TENM3: variants seen among roughly 807,000 people sequenced by gnomAD.
TENM3 encodes teneurin-3.
In TENM3, 63 loss-of-function variants were observed where a neutral mutation model predicts 255.1. That is an observed-to-expected ratio of 0.25 (90% CI 0.20 to 0.30). The LOEUF (loss-of-function observed/expected upper bound fraction) is 0.30. Ranked by LOEUF, TENM3 falls within the 10% of genes least tolerant of loss-of-function variation. The pLI is 1.00. For synonymous variants in TENM3, 1,306 were observed against 1,322.3 expected, an observed-to-expected ratio of 0.99 and a Z score of 0.27; for missense variants, 2,929 against 3,461.1, an observed-to-expected ratio of 0.85 and a Z score of 3.86.
the TENM3 span, among the ~76,000 whole-genome samples, chr4:182,126,561 A>G: frequency 6.6e-6 from 1 of 152,212 alleles, no homozygotes; most frequent in African/African-American, 2.4e-5. Flanking sequence ...TCTTCAATCC[A>G]GAAGTATGTT....
chr4:182,615,444 C>T (rs1002363705), intron 4 of TENM3, among the ~76,000 whole-genome samples: 7 of 151,856 alleles, frequency 4.6e-5, no homozygotes, highest in Admixed American at 1.3e-4. Flanking sequence ...AGTATAGAGT[C>T]CCAAGAGAAA....
At chr4:181,452,017 G>A in the TENM3 span, among the ~76,000 whole-genome samples, 1 of 152,094 alleles carries the variant, frequency 6.6e-6, no homozygotes, top group African/African-American at 2.4e-5. Flanking sequence ...AAAACCTGGA[G>A]AGTCGGCAAC....
At chr4:181,787,340 C>CTTTT in the TENM3 span, among the ~76,000 whole-genome samples, 1 of 141,414 alleles carries the variant, frequency 7.1e-6, no homozygotes, top group Admixed American at 7.1e-5. Context: ...CTACATCCAT[C>CTTTT]TTTTTTTTTT....
chr4:182,048,649 T>C, the TENM3 span, among the ~76,000 whole-genome samples: 1 of 152,208 alleles, frequency 6.6e-6, no homozygotes, highest in Non-Finnish European at 1.5e-5. Context: ...GAAACTTTTT[T>C]CTTTTTACAT....
the TENM3 span, among the ~76,000 whole-genome samples, chr4:181,945,879 G>A: frequency 6.6e-6 from 1 of 151,804 alleles, no homozygotes; most frequent in Non-Finnish European, 1.5e-5. Context: ...ACAAGCACAC[G>A]TGCACATACA....
chr4:182,618,096 T>A (rs1375171621), intron 4 of TENM3, among the ~76,000 whole-genome samples: 1 of 152,218 alleles, frequency 6.6e-6, no homozygotes, highest in Non-Finnish European at 1.5e-5. Flanking sequence ...AACTATTTTC[T>A]ATGAAGATAA....
chr4:181,869,717 G>A, the TENM3 span, among the ~76,000 whole-genome samples: 1 of 152,074 alleles, frequency 6.6e-6, no homozygotes, highest in African/African-American at 2.4e-5. Context: ...AGTGCACTGA[G>A]AATTTGCTTG....
chr4:182,706,823 G>A (rs146809119), intron 12 of TENM3, among the ~76,000 whole-genome samples: 174 of 152,044 alleles, frequency 1.1e-3, no homozygotes, highest in African/African-American at 4.1e-3. Flanking sequence ...TATGGTTGGG[G>A]TGCGCCTGTA....
chr4:181,844,130 A>T, the TENM3 span, among the ~76,000 whole-genome samples: 1 of 152,088 alleles, frequency 6.6e-6, no homozygotes, highest in Non-Finnish European at 1.5e-5. Flanking sequence ...ATTGGAGCCC[A>T]CTGCCATGGT....
chr4:181,675,588 A>G, the TENM3 span, among the ~76,000 whole-genome samples: 1 of 152,142 alleles, frequency 6.6e-6, no homozygotes, highest in African/African-American at 2.4e-5. Context: ...GCCAGGTACT[A>G]TGATGGGCAC....
the TENM3 span, among the ~76,000 whole-genome samples, chr4:181,605,588 A>AGAAAGAGAGAGAAAGAAAG: frequency 3.2e-4 from 12 of 37,568 alleles, 1 homozygote; most frequent in East Asian, 7.4e-4. Context: ...AAGAAAGGAA[A>AGAAAGAGAGAGAAAGAAAG]GAAAGAAAGA....
At chr4:182,004,423 T>C in the TENM3 span, among the ~76,000 whole-genome samples, 1 of 152,208 alleles carries the variant, frequency 6.6e-6, no homozygotes, top group Non-Finnish European at 1.5e-5. Context: ...CTGCATAGTA[T>C]TACATGGTGT....
At chr4:181,909,931 G>T in the TENM3 span, among the ~76,000 whole-genome samples, 1 of 152,024 alleles carries the variant, frequency 6.6e-6, no homozygotes, top group African/African-American at 2.4e-5. Context: ...AAATTTTGTA[G>T]AATTTTTTAC....
At chr4:181,622,902 C>A in the TENM3 span, among the ~76,000 whole-genome samples, 1 of 152,176 alleles carries the variant, frequency 6.6e-6, no homozygotes, top group East Asian at 2.0e-4. Context: ...AGAATTAATT[C>A]TTAACTGAGG....
chr4:181,559,858 G>A, the TENM3 span, among the ~76,000 whole-genome samples: 10 of 152,166 alleles, frequency 6.6e-5, no homozygotes, highest in Non-Finnish European at 1.5e-4. Context: ...ACACGCAGGA[G>A]ACATTGAGAA....
chr4:182,497,347 G>A (rs1047216849), intron 3 of TENM3, among the ~76,000 whole-genome samples: 12 of 151,994 alleles, frequency 7.9e-5, no homozygotes, highest in East Asian at 7.7e-4. Flanking sequence ...CACGGCACCC[G>A]GCCTCACTTA....
At chr4:182,356,556 C>T (rs539963635) in intron 3 of TENM3, among the ~76,000 whole-genome samples, 2 of 150,870 alleles carry the variant, frequency 1.3e-5, no homozygotes, top group East Asian at 1.9e-4. Context: ...AGGAAAGGGA[C>T]GGAGCGGCAG....
the TENM3 span, among the ~76,000 whole-genome samples, chr4:181,786,894 C>T: frequency 1.3e-5 from 2 of 152,100 alleles, no homozygotes. Flanking sequence ...AACCTTGTGA[C>T]AACCGTAAGA....
the TENM3 span, among the ~76,000 whole-genome samples, chr4:181,878,105 T>A: frequency 6.6e-6 from 1 of 152,150 alleles, no homozygotes; most frequent in Non-Finnish European, 1.5e-5. Flanking sequence ...TTAGGAAGGA[T>A]CCACCCATTC....
Sources: allele counts gnomAD v4.1 joint callset (sites outside exome capture counted in the v4.1 genomes callset), GRCh38; gene constraint gnomAD v4.1.1; transcripts MANE v1.5; gene names NCBI Gene and HGNC (gene_info 2026-07-23, HGNC 2026-07-21).